The following ASH1L variants were observed in gnomAD, a reference collection of about 807,000 sequenced individuals.
ASH1L encodes the protein ASH1 like histone lysine methyltransferase, also known as histone-lysine N-methyltransferase ASH1L.
Under a neutral mutation model 269.0 loss-of-function variants are expected in ASH1L, and 23 were observed. That is an observed-to-expected ratio of 0.09 (90% CI 0.06 to 0.12). ASH1L has a LOEUF of 0.12. Ranked by LOEUF, ASH1L falls within the 10% of genes least tolerant of loss-of-function variation. The probability of loss-of-function intolerance (pLI) is 1.00; values close to 1 mark genes in which losing one functional copy is unlikely to be tolerated. For missense variants in ASH1L, 2,912 were observed against 3,567.8 expected, an observed-to-expected ratio of 0.82 and a Z score of 4.68; for synonymous variants, 1,187 against 1,253.5, an observed-to-expected ratio of 0.95 and a Z score of 1.12.
chr1:155,562,908 C>CT, upstream of ASH1L: 1 of 452,080 alleles, frequency 2.2e-6, no homozygotes, highest in Non-Finnish European at 4.4e-6. Flanking sequence ...GCCCCCCCTA[C>CT]CACCCTCCAC....
intron 4 of ASH1L, among the ~76,000 whole-genome samples, chr1:155,449,801 G>A (rs1663338736): frequency 6.6e-6 from 1 of 151,684 alleles, no homozygotes; most frequent in Admixed American, 6.6e-5. Context: ...TTACAGGCGT[G>A]AGCCACTGCG....
In ASH1L at chr1:155,417,215, G is replaced by A. The variant is rs189089815; in HGVS notation, c.5829-1292C>T. On this transcript the variant is annotated intron_variant, in intron 5 of 27. Coordinates refer to ENST00000392403, the MANE Select transcript of ASH1L (RefSeq NM_018489.3). Reference sequence around the variant, plus strand: ...TTCCCAAAGGGTTGGGATTACAGGCGTGAGCCATCACGCCCAGCCTCCACC... The same window carrying A: ...TTCCCAAAGGGTTGGGATTACAGGCATGAGCCATCACGCCCAGCCTCCACC... Among the ~76,000 whole-genome samples, 504 of 151,182 alleles carry A rather than the reference G, an allele frequency of 3.3e-3. 3 individuals carry two copies. Among genetic ancestry groups the A allele is most frequent in the African/African-American group, 0.012 (485 of 41,160 alleles).
intron 1 of ASH1L, among the ~76,000 whole-genome samples, chr1:155,561,177 T>C (rs1380180998): frequency 2.6e-5 from 4 of 152,072 alleles, no homozygotes. Context: ...AGATTCAGTA[T>C]CACAAAAAAA....
At chr1:155,357,968 G>A (rs1029242607) in intron 13 of ASH1L, among the ~76,000 whole-genome samples, 4 of 151,736 alleles carry the variant, frequency 2.6e-5, no homozygotes, top group East Asian at 3.9e-4. Context: ...ACAGGGTTTC[G>A]CCATGTTGAC....
chr1:155,468,607 T>C (rs757911775), intron 3 of ASH1L, among the ~76,000 whole-genome samples: 7 of 152,218 alleles, frequency 4.6e-5, no homozygotes, highest in Non-Finnish European at 8.8e-5. Context: ...CATATTTATT[T>C]TGTTGCTCAA....
chr1:155,477,657 A>C (rs1462733755), intron 3 of ASH1L, among the ~76,000 whole-genome samples: 1 of 152,118 alleles, frequency 6.6e-6, no homozygotes, highest in South Asian at 2.1e-4. Flanking sequence ...AGTTATGTAT[A>C]TTTCTTTCTT....
intron 2 of ASH1L, among the ~76,000 whole-genome samples, chr1:155,513,446 C>T (rs1324547000): frequency 1.3e-5 from 2 of 151,660 alleles, no homozygotes; most frequent in African/African-American, 2.4e-5. Flanking sequence ...GTTGTGCATG[C>T]CTGTAGCCGG....
chr1:155,338,211 T>G lies in ASH1L; in HGVS notation c.8681A>C (p.Lys2894Thr), dbSNP rs750821166. The change falls in exon 27 of 28, where the codon AAA becomes ACA. Residue 2894 changes from lysine (K) to threonine (T), a missense_variant. By Grantham distance (78) the Lys-to-Thr change is moderately conservative (BLOSUM62 -1). Transcript: ENST00000392403. ...ATANVSEGEKKTEESSQEPQS... is the reference protein window; with the variant it reads ...ATANVSEGEKTTEESSQEPQS... ...GGGTTCTTGACTACTTTCCTCTGTT[T>G]TTTTTTCACCCTCACTGACGTTAGC... The G allele has an allele frequency of 1.8e-5, 29 of 1,614,010 alleles. No individual in the cohort carries two copies. Among genetic ancestry groups the G allele is most frequent in the South Asian group, 1.1e-5 (1 of 91,080 alleles).
intron 7 of ASH1L, among the ~76,000 whole-genome samples, chr1:155,390,915 C>T (rs1657874511): frequency 6.7e-6 from 1 of 150,366 alleles, no homozygotes. Flanking sequence ...TCCCAAAGTG[C>T]TGGGATTATA....
At chr1:155,435,578 T>TAAA (rs1662021981) in intron 5 of ASH1L, among the ~76,000 whole-genome samples, 1 of 150,370 alleles carries the variant, frequency 6.7e-6, no homozygotes. Context: ...CTCCTGAAAT[T>TAAA]AAAAAATATA....
intron 1 of ASH1L, among the ~76,000 whole-genome samples, chr1:155,523,592 C>T (rs996080627): frequency 2.0e-5 from 3 of 152,168 alleles, no homozygotes; most frequent in Admixed American, 2.0e-4. Flanking sequence ...AGGTACTGGC[C>T]GGGTATGGTG....
intron 4 of ASH1L, among the ~76,000 whole-genome samples, chr1:155,458,381 A>G (rs1019445810): frequency 1.3e-5 from 2 of 152,202 alleles, no homozygotes; most frequent in South Asian, 4.1e-4. Context: ...TTAAGGCTCT[A>G]CATCACTAAT....
intron 2 of ASH1L, among the ~76,000 whole-genome samples, chr1:155,512,448 CTTTTTTTT>C (rs1217608016): frequency 3.2e-5 from 3 of 93,696 alleles, no homozygotes; most frequent in Non-Finnish European, 6.0e-5. Context: ...GGATCTTAGA[CTTTTTTTT>C]TTTTTTTTTT....
In ASH1L at chr1:155,480,412, A is replaced by G; in HGVS notation, c.2458T>C (p.Leu820=). The G allele has an allele frequency of 6.2e-7, 1 of 1,614,118 alleles. No individual in the cohort carries two copies. Among genetic ancestry groups the G allele is most frequent in the Non-Finnish European group, 8.5e-7 (1 of 1,179,974 alleles). ...CTTTTGGGCTTATAAATATCAGACA[A>G]AAGGTCACTAGAGACACACATACTG... is the stretch of plus-strand genomic sequence containing the variant. ...SSSMCVSSDL[L]SDIYKPKRGR... is the part of the protein sequence containing the mutation. Residue 820 remains leucine (L), a synonymous_variant, in exon 3 of 28, where the codon TTG becomes CTG. Transcript: ENST00000392403.
chr1:155,423,270 T>C (rs1660863267), intron 5 of ASH1L, among the ~76,000 whole-genome samples: 1 of 145,744 alleles, frequency 6.9e-6, no homozygotes, highest in Non-Finnish European at 1.5e-5. Context: ...TTTAAGGCAA[T>C]CCTGCATCCA....
Position 155,411,586 on chromosome 1 carries a change from A to AATAAATAAATATATATATATAT in ASH1L, c.6008+4157_6008+4158insATATATATATATATTTATTTAT, listed in dbSNP as rs1297131961. The stretch of plus-strand genomic sequence containing the variant: ...AAATATGAATATAAATAAATAAATA[A>AATAAATAAATATATATATATAT]ATATATATATATATATATATATATA... On this transcript the variant is annotated intron_variant, in intron 6 of 27. Coordinates refer to ENST00000392403, the MANE Select transcript of ASH1L (RefSeq NM_018489.3). 1.4e-3 allele frequency among the ~76,000 whole-genome samples: 79 copies of AATAAATAAATATATATATATAT among 55,044 alleles called. 1 individual carries two copies. Among genetic ancestry groups the AATAAATAAATATATATATATAT allele is most frequent in the Admixed American group, 3.5e-3 (14 of 3,966 alleles). 36.1% of individuals were successfully genotyped at this position (55,044 alleles called of 152,430 possible).
intron 6 of ASH1L, among the ~76,000 whole-genome samples, chr1:155,407,466 A>G (rs1019367113): frequency 4.9e-4 from 74 of 152,312 alleles, no homozygotes; most frequent in African/African-American, 1.7e-3. Flanking sequence ...AATATCAAAC[A>G]ATGTGTGGAT....
chr1:155,555,659 A>G (rs1671537451), intron 1 of ASH1L, among the ~76,000 whole-genome samples: 1 of 152,208 alleles, frequency 6.6e-6, no homozygotes, highest in Non-Finnish European at 1.5e-5. Flanking sequence ...TCTGAATAGC[A>G]TAGGAACTGT....
chr1:155,489,661 G>A (rs1666613159), intron 2 of ASH1L, among the ~76,000 whole-genome samples: 1 of 151,910 alleles, frequency 6.6e-6, no homozygotes, highest in South Asian at 2.1e-4. Context: ...GGGAGGCTGA[G>A]GCAGGAGAAT....
Sources: allele counts gnomAD v4.1 joint callset (sites outside exome capture counted in the v4.1 genomes callset), GRCh38; gene constraint gnomAD v4.1.1; transcripts MANE v1.5; gene names NCBI Gene and HGNC (gene_info 2026-07-23, HGNC 2026-07-21).